TRIO: variants seen among roughly 807,000 people sequenced by gnomAD.
TRIO encodes triple functional domain protein.
In TRIO, 58 loss-of-function variants were observed where a neutral mutation model predicts 351.9. The ratio of observed to expected loss-of-function variants is 0.16; its 90% confidence interval spans 0.13 to 0.21. The LOEUF is 0.21. Among genes scored for constraint, TRIO ranks in the 10% least tolerant of loss-of-function variants. The pLI is 1.00. For synonymous variants in TRIO, 1,758 were observed against 1,595.7 expected (o/e 1.10, Z -2.42); for missense variants, 3,201 against 4,027.8 (o/e 0.79, Z 5.56).
rs143769927 is a variant in TRIO, at chr5:14,227,197, T to G, written c.158-43628T>G. Among the ~76,000 whole-genome samples, 130 of 152,300 alleles carry G rather than the reference T, an allele frequency of 8.5e-4. 2 individuals carry two copies. Among genetic ancestry groups the G allele is most frequent in the African/African-American group, 3.1e-3 (127 of 41,570 alleles). ...TTCAAGCATTTGGTCATTCTACCCT[T>G]GATGGCCTTCAGGAAGTGCACAGAT... On this transcript the variant is annotated intron_variant, in intron 1 of 56. Coordinates refer to ENST00000344204, the MANE Select transcript of TRIO (RefSeq NM_007118.4).
At chr5:14,150,348 A>C (rs1408319003) in intron 1 of TRIO, among the ~76,000 whole-genome samples, 1 of 152,128 alleles carries the variant, frequency 6.6e-6, no homozygotes, top group Non-Finnish European at 1.5e-5. Context: ...GAGGCAGGTG[A>C]AGGATGGGGA....
intron 1 of TRIO, among the ~76,000 whole-genome samples, chr5:14,209,656 C>T (rs1486752834): frequency 2.6e-5 from 4 of 152,134 alleles, no homozygotes; most frequent in Non-Finnish European, 4.4e-5. Context: ...TCTCGAGCAG[C>T]GGTTGTTAGT....
chr5:14,270,937 T>C, intron 2 of TRIO, 38 bp downstream of exon 2: 1 of 1,446,880 alleles, frequency 6.9e-7, no homozygotes, highest in Non-Finnish European at 9.7e-7. Flanking sequence ...ATCCAACTGC[T>C]CTGACACAAT....
At chr5:14,395,130 T>C (rs887041896) in intron 28 of TRIO, among the ~76,000 whole-genome samples, 2 of 152,220 alleles carry the variant, frequency 1.3e-5, no homozygotes, top group Non-Finnish European at 2.9e-5. Context: ...TTTACCCTTT[T>C]TGTTAGCAAG....
At chr5:14,386,447 C>T (rs942999545) in intron 21 of TRIO, among the ~76,000 whole-genome samples, 2 of 151,782 alleles carry the variant, frequency 1.3e-5, no homozygotes, top group African/African-American at 4.9e-5. Flanking sequence ...AAGCTAAGAT[C>T]ATTTATCTGG....
intron 1 of TRIO, among the ~76,000 whole-genome samples, chr5:14,163,587 T>G (rs889161473): frequency 2.6e-5 from 4 of 152,222 alleles, no homozygotes; most frequent in Non-Finnish European, 4.4e-5. Context: ...GTGTAAGTCT[T>G]AAAAGATTGT....
chr5:14,426,649 G>T (rs980218791), intron 34 of TRIO, among the ~76,000 whole-genome samples: 30 of 152,190 alleles, frequency 2.0e-4, no homozygotes, highest in African/African-American at 7.2e-4. Context: ...GTTTTAAACC[G>T]TAGGCTCGGT....
Position 14,359,487 on chromosome 5 carries a change from G to T in TRIO, c.2347G>T (p.Glu783Ter). The T allele has an allele frequency of 6.2e-7, 1 of 1,614,260 alleles. No homozygotes were observed. Among genetic ancestry groups the T allele is most frequent in the Non-Finnish European group, 8.5e-7 (1 of 1,180,040 alleles). Reference sequence around the variant, plus strand: ...CTTCCAGGAGCGCAAGATCAAGCTGGAGCTCTTCCTGCAGCTGCGCATCTT... The same window carrying T: ...CTTCCAGGAGCGCAAGATCAAGCTGTAGCTCTTCCTGCAGCTGCGCATCTT... ...ELFQERKIKL[E>*]LFLQLRIFER... Residue 783 changes from glutamate to a stop codon, truncating the protein, a stop_gained, in exon 13 of 57, where the codon GAG (glutamate) becomes TAG (stop). Coordinates refer to ENST00000344204, the MANE Select transcript of TRIO (RefSeq NM_007118.4). LOFTEE classifies it high-confidence loss of function.
chr5:14,242,651 C>G (rs556967847), intron 1 of TRIO, among the ~76,000 whole-genome samples: 1 of 152,140 alleles, frequency 6.6e-6, no homozygotes, highest in African/African-American at 2.4e-5. Context: ...CATGGGTCAT[C>G]GTAGCCTCCG....
chr5:14,505,600 T>C (rs1214605293), intron 55 of TRIO, among the ~76,000 whole-genome samples: 1 of 152,120 alleles, frequency 6.6e-6, no homozygotes, highest in Non-Finnish European at 1.5e-5. Flanking sequence ...CTGTACCTGA[T>C]GTTGTAGTTA....
At chr5:14,441,692 A>T (rs531447950) in intron 34 of TRIO, among the ~76,000 whole-genome samples, 1 of 152,320 alleles carries the variant, frequency 6.6e-6, no homozygotes, top group African/African-American at 2.4e-5. Context: ...CTGTGCTACA[A>T]ATTGCCTTAT....
intron 1 of TRIO, among the ~76,000 whole-genome samples, chr5:14,189,832 C>G (rs531512633): frequency 1.3e-5 from 2 of 151,774 alleles, no homozygotes; most frequent in South Asian, 4.2e-4. Context: ...CTGGGCTCAA[C>G]CTGTCTCAGC....
intron 34 of TRIO, among the ~76,000 whole-genome samples, chr5:14,453,903 A>G (rs576958559): frequency 3.6e-4 from 55 of 152,242 alleles, no homozygotes; most frequent in Non-Finnish European, 6.8e-4. Context: ...GGGAAAGGCA[A>G]GAGATGAGTA....
At chr5:14,231,238 C>G (rs976564434) in intron 1 of TRIO, among the ~76,000 whole-genome samples, 4 of 152,180 alleles carry the variant, frequency 2.6e-5, no homozygotes, top group Admixed American at 2.6e-4. Context: ...AGGCCAGACC[C>G]TCTGATGGTT....
At chr5:14,462,581 C>T (rs543655595) in intron 35 of TRIO, among the ~76,000 whole-genome samples, 174 bp from the exon 36 acceptor site, 6 of 152,312 alleles carry the variant, frequency 3.9e-5, no homozygotes, top group African/African-American at 1.4e-4. Flanking sequence ...AGTTGACAAG[C>T]AAAGCTATTG....
At chr5:14,228,384 G>A (rs917172944) in intron 1 of TRIO, among the ~76,000 whole-genome samples, 4 of 152,214 alleles carry the variant, frequency 2.6e-5, no homozygotes, top group Non-Finnish European at 4.4e-5. Context: ...ACAAAAGTAC[G>A]TCATGCATTT....
At chr5:14,364,612 G>T in intron 14 of TRIO, 38 bp from the exon 15 acceptor site, 6 of 1,577,232 alleles carry the variant, frequency 3.8e-6, no homozygotes, top group Non-Finnish European at 5.2e-6. Flanking sequence ...AGGTTGAAGT[G>T]CTAGCTGAAT....
chr5:14,490,409 C>G (rs207465625), intron 48 of TRIO, among the ~76,000 whole-genome samples: 1 of 152,266 alleles, frequency 6.6e-6, no homozygotes, highest in Non-Finnish European at 1.5e-5. Flanking sequence ...GCCCGGCTCC[C>G]TCTTCCCCCT....
intron 34 of TRIO, among the ~76,000 whole-genome samples, chr5:14,458,008 G>C (rs998171833): frequency 2.7e-5 from 4 of 150,572 alleles, no homozygotes; most frequent in African/African-American, 9.7e-5. Context: ...ACCTGTACTT[G>C]ATTTCATTTT....
Sources: allele counts gnomAD v4.1 joint callset (sites outside exome capture counted in the v4.1 genomes callset), GRCh38; gene constraint gnomAD v4.1.1; transcripts MANE v1.5; gene names NCBI Gene and HGNC (gene_info 2026-07-23, HGNC 2026-07-21).